Variants in WRN observed in about 807,000 individuals in gnomAD.
WRN encodes WRN RecQ like helicase.
A neutral mutation model predicts 180.7 loss-of-function variants in WRN; 149 were observed. That is an observed-to-expected ratio of 0.82 (90% CI 0.72 to 0.94). The LOEUF (loss-of-function observed/expected upper bound fraction) is 0.94, where lower values mean the gene tolerates loss of function less well. Among genes scored for constraint, WRN ranks in the 40% least tolerant of loss-of-function variants. WRN has a pLI of 0.00. For synonymous variants in WRN, 548 were observed against 568.9 expected (o/e 0.96, Z 0.52); for missense variants, 1,661 against 1,700.1 (o/e 0.98, Z 0.40).
At chr8:31,162,818 T>C (rs928292757) in intron 33 of WRN, among the ~76,000 whole-genome samples, 1 of 152,186 alleles carries the variant, frequency 6.6e-6, no homozygotes, top group Non-Finnish European at 1.5e-5. Flanking sequence ...TGCATGACTG[T>C]AAATTAGATA....
chr8:31,081,220 C>T lies in WRN; in HGVS notation c.1193C>T (p.Thr398Ile), dbSNP rs2130121035. 3.7e-6 allele frequency: 6 copies of T among 1,613,400 alleles called. No individual in the cohort carries two copies. Among genetic ancestry groups the T allele is most frequent in the Non-Finnish European group, 5.1e-6 (6 of 1,179,554 alleles). Residue 398 changes from threonine (T) to isoleucine (I), a missense_variant, in exon 9 of 35, where the codon ACA becomes ATA. Transcript: ENST00000298139. Reference protein sequence around the residue: ...ERACLMSLDITEHELQILEQQ... With the variant: ...ERACLMSLDIIEHELQILEQQ... ...GCTTGTTTGATGTCGTTAGATATTACAGAACATGAACTCCAAATTTTGGAA... is the reference window on the plus strand; with the variant it reads ...GCTTGTTTGATGTCGTTAGATATTATAGAACATGAACTCCAAATTTTGGAA...
chr8:31,080,929 G>T lies in WRN; in HGVS notation c.902G>T (p.Gly301Val). The T allele has an allele frequency of 6.2e-7, 1 of 1,613,108 alleles. No homozygotes were observed. The highest frequency in any genetic ancestry group is 8.5e-7 in the Non-Finnish European group (1 of 1,179,698). ...NLYSLRRMII[G>V]STNIETELRP... ...TATTCACTGAGGAGGATGATAATTG[G>T]GTCTACTAACATTGAGACTGAACTG... Residue 301 changes from glycine to valine, a missense_variant, in exon 9 of 35, where the codon GGG (glycine) becomes GTG (valine). Transcript: ENST00000298139.
At chr8:31,072,262 C>T (rs941930108) in intron 7 of WRN, among the ~76,000 whole-genome samples, 2 of 152,212 alleles carry the variant, frequency 1.3e-5, no homozygotes, top group African/African-American at 4.8e-5. Flanking sequence ...GTTTGAGAAA[C>T]TGAGGACTTA....
chr8:31,170,483 A>G (rs1804061488), intron 34 of WRN, among the ~76,000 whole-genome samples: 1 of 152,222 alleles, frequency 6.6e-6, no homozygotes, highest in Non-Finnish European at 1.5e-5. Context: ...AATAGTTTTC[A>G]TGACAAATGT....
intron 20 of WRN, among the ~76,000 whole-genome samples, chr8:31,118,442 C>G (rs1052027105): frequency 1.3e-5 from 2 of 151,958 alleles, no homozygotes; most frequent in Admixed American, 1.3e-4. Context: ...ATTGAAAGTT[C>G]TCAAACACTT....
intron 27 of WRN, 118 bp from the exon 28 acceptor site, chr8:31,143,432 T>A: frequency 1.5e-6 from 1 of 675,580 alleles, no homozygotes; most frequent in South Asian, 1.8e-5. Flanking sequence ...GTGATTAATT[T>A]GACAGCTTGA....
Position 31,088,896 on chromosome 8 carries a change from TG to T in WRN, c.1584del (p.Leu528PhefsTer29). 1 of 1,610,376 alleles carries T rather than the reference TG, an allele frequency of 6.2e-7. No individual in the cohort carries two copies. Among genetic ancestry groups the T allele is most frequent in the Middle Eastern group, 1.7e-4 (1 of 5,804 alleles). ...CATTTTATTTTATTTCCAGACTTTT[TG>T]TGGCCAGCACCCAATGAAGAGCAAG... ...EGEEDDDKDF[L>X]WPAPNEEQVT... On this transcript the variant is annotated frameshift_variant, in exon 13 of 35. Coordinates refer to ENST00000298139, the MANE Select transcript of WRN (RefSeq NM_000553.6). LOFTEE classifies it high-confidence loss of function.
intron 21 of WRN, 107 bp downstream of exon 21, chr8:31,120,531 G>T: frequency 2.1e-6 from 2 of 967,150 alleles, no homozygotes; most frequent in Non-Finnish European, 2.9e-6. Flanking sequence ...ATTTGTGAGT[G>T]CATTTAAAGT....
rs1488897958 is a variant in WRN at position 31,154,535 on chromosome 8, AT to A, written c.3688-82del. 55 of 1,456,406 alleles carry A rather than the reference AT, an allele frequency of 3.8e-5. 1 individual carries two copies. In the Middle Eastern group the frequency reaches 7.0e-4, roughly 19 times the overall value. The allele number at this position is 1,456,406 out of a possible 1,614,324, so 90.2% of individuals were successfully genotyped here. A position where few individuals can be genotyped will look rare whatever the true frequency, so the allele number is the denominator to read the frequency against. ...GTTGCTTATGGGTTTAACTTGTGTT[AT>A]TTTTTTCTTAATGGCTAATTATCAT... On this transcript the variant is annotated intron_variant, in intron 31 of 34. Transcript: ENST00000298139.
chr8:31,064,992 T>A lies in WRN; in HGVS notation c.433T>A (p.Trp145Arg). Residue 145 changes from tryptophan to arginine, a missense_variant, in exon 5 of 35, where the codon TGG (tryptophan) becomes AGG (arginine). Physicochemically the swap from Trp to Arg is moderately radical, Grantham distance 101 (BLOSUM62 -3). Coordinates refer to ENST00000298139, the MANE Select transcript of WRN (RefSeq NM_000553.6). Reference sequence around the variant, plus strand: ...AGGTGTAGGAATTGAAGGAGATCAGTGGAAACTTCTACGTGACTTTGATAT... The same window carrying A: ...AGGTGTAGGAATTGAAGGAGATCAGAGGAAACTTCTACGTGACTTTGATAT... ...KAGVGIEGDQWKLLRDFDIKL... is the reference protein window; with the variant it reads ...KAGVGIEGDQRKLLRDFDIKL... The A allele has an allele frequency of 6.2e-7, 1 of 1,613,716 alleles. No homozygotes were observed.
chr8:31,154,621 T>C lies in WRN; in HGVS notation c.3688-3T>C, dbSNP rs1554535709. On this transcript the variant is annotated splice_polypyrimidine_tract_variant and splice_region_variant and intron_variant, in intron 31 of 34. Transcript: ENST00000298139. ...CATTTGTGCTACATTAAAAATTCTG[T>C]AGACAGACCTCTTTTCAAGTACAAA... The C allele has an allele frequency of 2.5e-6, 4 of 1,611,096 alleles. No homozygotes were observed. The highest frequency in any genetic ancestry group is 3.4e-6 in the Non-Finnish European group (4 of 1,178,076).
intron 23 of WRN, among the ~76,000 whole-genome samples, chr8:31,125,541 T>TATATGGGGAG (rs1801893280): frequency 1.4e-5 from 1 of 71,510 alleles, no homozygotes; most frequent in South Asian, 6.3e-4. Flanking sequence ...TATGGAGATA[T>TATATGGGGAG]ATATATATAT....
At chr8:31,061,963 T>C (rs138335848) in intron 3 of WRN, among the ~76,000 whole-genome samples, 1 of 152,180 alleles carries the variant, frequency 6.6e-6, no homozygotes, top group African/African-American at 2.4e-5. Context: ...CCTAGCTTCC[T>C]CCTCTCCAGA....
At chr8:31,079,212 A>G (rs1813208187) in intron 8 of WRN, among the ~76,000 whole-genome samples, 1 of 152,160 alleles carries the variant, frequency 6.6e-6, no homozygotes, top group African/African-American at 2.4e-5. Context: ...CTTGAGCCCA[A>G]CTTTGGAGTG....
chr8:31,081,059 T>G lies in WRN; in HGVS notation c.1032T>G (p.Asp344Glu). The part of the protein sequence containing the change: ...REHEVLIHVE[D>E]ETWDPTLDHL... ...ATGAAGTTTTAATTCACGTTGAAGATGAAACATGGGACCCAACACTTGATC... is the reference window on the plus strand; with the variant it reads ...ATGAAGTTTTAATTCACGTTGAAGAGGAAACATGGGACCCAACACTTGATC... The change falls in exon 9 of 35, where the codon GAT (aspartate) becomes GAG (glutamate). Residue 344 changes from aspartate (D) to glutamate (E), a missense_variant. Asp to Glu is a conservative substitution (Grantham distance 45). Around this residue, in one of 3 missense-constraint regions of WRN, gnomAD observed 500 missense variants for 504.1 expected, o/e 0.99. Transcript: ENST00000298139. 1.2e-6 allele frequency: 2 copies of G among 1,614,000 alleles called. No homozygotes were observed. Among genetic ancestry groups the G allele is most frequent in the Non-Finnish European group, 1.7e-6 (2 of 1,179,950 alleles).
intron 23 of WRN, 45 bp from the exon 24 acceptor site, chr8:31,132,320 C>A: frequency 6.3e-7 from 1 of 1,597,642 alleles, no homozygotes; most frequent in Non-Finnish European, 8.5e-7. Context: ...TCTAAAGATA[C>A]ATGCCTTTGC....
At chr8:31,046,527 A>G (rs1290447277) in intron 1 of WRN, among the ~76,000 whole-genome samples, 1 of 152,170 alleles carries the variant, frequency 6.6e-6, no homozygotes, top group Non-Finnish European at 1.5e-5. Context: ...TCCTGAGCCT[A>G]CTTCAAGCCT....
chr8:31,129,821 A>G (rs1802075139), intron 23 of WRN, among the ~76,000 whole-genome samples: 2 of 151,986 alleles, frequency 1.3e-5, no homozygotes, highest in South Asian at 2.1e-4. Context: ...CCTGGCCAAC[A>G]TGGTGAAACC....
intron 33 of WRN, among the ~76,000 whole-genome samples, chr8:31,161,124 G>C (rs747914061): frequency 2.6e-5 from 4 of 151,924 alleles, no homozygotes; most frequent in Non-Finnish European, 4.4e-5. Flanking sequence ...AAGAGCAAAG[G>C]CTTTGGGAAT....
Sources: gnomAD v4.1 joint callset for allele counts (sites outside exome capture counted in the v4.1 genomes callset) on GRCh38, gnomAD v4.1.1 for gene constraint, gnomAD v4.1.1 regional missense constraint, MANE v1.5 for transcripts, NCBI Gene and HGNC (gene_info 2026-07-23, HGNC 2026-07-21) for gene names.